The following GALNT18 variants were observed in gnomAD, a reference collection of about 807,000 sequenced individuals.
GALNT18 encodes the protein polypeptide N-acetylgalactosaminyltransferase 18.
A neutral mutation model predicts 69.5 loss-of-function variants in GALNT18; 44 were observed. The observed-to-expected ratio is 0.63, with a 90% CI of 0.50 to 0.81. The LOEUF is 0.81. Ranked by LOEUF, GALNT18 falls within the 40% of genes least tolerant of loss-of-function variation. GALNT18 has a pLI of 0.00. For missense variants in GALNT18, 715 were observed against 810.0 expected, an observed-to-expected ratio of 0.88 and a Z score of 1.42; for synonymous variants, 364 against 318.2, an observed-to-expected ratio of 1.14 and a Z score of -1.53.
In GALNT18 at chr11:11,556,008, A is replaced by C. The variant is rs1461892427; in HGVS notation, c.235+65351T>G. Among the ~76,000 whole-genome samples the C allele has an allele frequency of 2.0e-5, 3 of 152,294 alleles. No homozygotes were observed. The South Asian group carries it at 6.2e-4, about 32-fold the overall frequency. ...TTAAGTCAACACCAGAAATCAACAG[A>C]CCATCAGTGCCAGGTCATGGATGAA... is the stretch of plus-strand genomic sequence containing the variant. On this transcript the variant is annotated intron_variant, in intron 1 of 10. Transcript: ENST00000227756.
chr11:11,501,027 G>C lies in GALNT18; in HGVS notation c.236-52091C>G, dbSNP rs187008532. 2.0e-5 allele frequency among the ~76,000 whole-genome samples: 3 copies of C among 152,338 alleles called. 1 individual carries two copies. The highest frequency in any genetic ancestry group is 2.0e-4 in the Admixed American group (3 of 15,298). ...ACTCCAAGGAGGCTGACTGCAGAGA[G>C]ACAGCCAAGCCTGGGCAGCACCTCT... is the stretch of plus-strand genomic sequence containing the variant. On this transcript the variant is annotated intron_variant, in intron 1 of 10. Coordinates refer to ENST00000227756, the MANE Select transcript of GALNT18 (RefSeq NM_198516.3).
At chr11:11,302,442 C>A (rs1849513606) in intron 9 of GALNT18, among the ~76,000 whole-genome samples, 1 of 152,218 alleles carries the variant, frequency 6.6e-6, no homozygotes, top group Non-Finnish European at 1.5e-5. Flanking sequence ...TGCCACTGCT[C>A]CTCCCTTTCC....
chr11:11,308,696 TCTC>T (rs1376597568), intron 9 of GALNT18, among the ~76,000 whole-genome samples: 1 of 152,104 alleles, frequency 6.6e-6, no homozygotes, highest in East Asian at 1.9e-4. Context: ...GTAAAAAACA[TCTC>T]CTCTGTAAGA....
chr11:11,323,599 G>A (rs118166844), intron 9 of GALNT18, among the ~76,000 whole-genome samples: 5,670 of 152,342 alleles, frequency 0.037, 128 homozygotes, highest in Middle Eastern at 0.071. Flanking sequence ...CTTGTGGTGG[G>A]AGTGGCAGCC....
At chr11:11,566,988 C>CT (rs1858670915) in intron 1 of GALNT18, among the ~76,000 whole-genome samples, 1 of 152,192 alleles carries the variant, frequency 6.6e-6, no homozygotes, top group Admixed American at 6.5e-5. Context: ...GCTTAGGCCT[C>CT]TTTTTGCCTG....
intron 5 of GALNT18, among the ~76,000 whole-genome samples, chr11:11,376,698 T>C (rs1176757390): frequency 6.6e-6 from 1 of 152,224 alleles, no homozygotes; most frequent in African/African-American, 2.4e-5. Context: ...ACCTTCTCTG[T>C]GTTCATGAAC....
intron 6 of GALNT18, among the ~76,000 whole-genome samples, chr11:11,357,131 G>GGTACCGAAATGTCCTTATATATGGAA (rs1564908738): frequency 6.6e-6 from 1 of 152,048 alleles, no homozygotes; most frequent in African/African-American, 2.4e-5. Context: ...ACCAGCTAGG[G>GGTACCGAAATGTCCTTATATATGGAA]AACACCCTCA....
chr11:11,494,612 C>T lies in GALNT18; in HGVS notation c.236-45676G>A, dbSNP rs184402799. Among the ~76,000 whole-genome samples, 73 of 152,282 alleles carry T rather than the reference C, an allele frequency of 4.8e-4. No individual in the cohort carries two copies. The highest frequency in any genetic ancestry group is 1.7e-3 in the African/African-American group (69 of 41,554). ...TCACTGCAGCTCCCCTTCTTTCCACCGCTATCTGCCACACATGAATTTCTA... is the reference window on the plus strand; with the variant it reads ...TCACTGCAGCTCCCCTTCTTTCCACTGCTATCTGCCACACATGAATTTCTA... On this transcript the variant is annotated intron_variant, in intron 1 of 10. Coordinates refer to ENST00000227756, the MANE Select transcript of GALNT18 (RefSeq NM_198516.3). This position sits in a 1 kb window ranked among gnomAD's most constrained non-coding sequence, Gnocchi z 5.7.
chr11:11,555,881 G>T lies in GALNT18; in HGVS notation c.235+65478C>A, dbSNP rs1392057253. Reference sequence around the variant, plus strand: ...TCCAAAGACCTCCAGCACATATCAGGAAAGAGGCTGGGGTCTCACGAGAAT... The same window carrying T: ...TCCAAAGACCTCCAGCACATATCAGTAAAGAGGCTGGGGTCTCACGAGAAT... On this transcript the variant is annotated intron_variant, in intron 1 of 10. Transcript: ENST00000227756. The surrounding 1 kb of genome is among the most constrained non-coding windows in gnomAD (Gnocchi z 4.7). 2.6e-5 allele frequency among the ~76,000 whole-genome samples: 4 copies of T among 152,196 alleles called. No homozygotes were observed. Among genetic ancestry groups the T allele is most frequent in the Admixed American group, 2.6e-4 (4 of 15,278 alleles).
chr11:11,288,670 C>T (rs572252333), intron 10 of GALNT18, among the ~76,000 whole-genome samples: 19 of 152,312 alleles, frequency 1.2e-4, no homozygotes, highest in African/African-American at 2.9e-4. Context: ...TGCACATCAG[C>T]GTTGCCAAGA....
chr11:11,272,964 A>C (rs1848858639), intron 10 of GALNT18, among the ~76,000 whole-genome samples: 1 of 152,122 alleles, frequency 6.6e-6, no homozygotes, highest in Non-Finnish European at 1.5e-5. Context: ...CAGTCTTTTC[A>C]ATAAATTGCC....
intron 1 of GALNT18, among the ~76,000 whole-genome samples, chr11:11,522,432 C>G (rs1200995039): frequency 6.6e-6 from 1 of 152,138 alleles, no homozygotes; most frequent in Non-Finnish European, 1.5e-5. Context: ...GAGAGTGTCC[C>G]TTGATTTTTT....
Position 11,293,964 on chromosome 11 carries a change from G to T in GALNT18, c.1513-771C>A, listed in dbSNP as rs1207023242. 2.0e-5 allele frequency among the ~76,000 whole-genome samples: 3 copies of T among 152,296 alleles called. No individual in the cohort carries two copies. The East Asian group carries it at 5.8e-4, about 29-fold the overall frequency. On this transcript the variant is annotated intron_variant, in intron 9 of 10. Coordinates refer to ENST00000227756, the MANE Select transcript of GALNT18 (RefSeq NM_198516.3). The stretch of plus-strand genomic sequence containing the variant: ...ACACTAAGACTGTGCAGAGCAGGAG[G>T]TGGCCAACTTTTTCTTAAAGGTCAG...
At chr11:11,499,418 C>A (rs1856929830) in intron 1 of GALNT18, among the ~76,000 whole-genome samples, 1 of 151,316 alleles carries the variant, frequency 6.6e-6, no homozygotes, top group South Asian at 2.1e-4. Flanking sequence ...CCACCCCTGA[C>A]TGCAGCCTGT....
At position 11,582,886 on chromosome 11, in the gene GALNT18, C is replaced by T. The variant is rs1020713064; in HGVS notation, c.235+38473G>A. ...TCTTTCTCCAACTCCTCACCACAGC[C>T]ACAGAGCACAGCCACTGCCACACAC... On this transcript the variant is annotated intron_variant, in intron 1 of 10. Transcript: ENST00000227756. The surrounding 1 kb of genome is among the most constrained non-coding windows in gnomAD (Gnocchi z 5.0). 7.2e-5 allele frequency among the ~76,000 whole-genome samples: 11 copies of T among 152,186 alleles called. No homozygotes were observed. Among genetic ancestry groups the T allele is most frequent in the African/African-American group, 2.4e-4 (10 of 41,432 alleles).
chr11:11,611,353 A>G (rs2133963332), intron 1 of GALNT18, among the ~76,000 whole-genome samples: 1 of 152,304 alleles, frequency 6.6e-6, no homozygotes, highest in African/African-American at 2.4e-5. Flanking sequence ...CGGAAGGAAT[A>G]ACAAAAAAGA....
chr11:11,376,914 G>A (rs1265709766), intron 5 of GALNT18, among the ~76,000 whole-genome samples: 1 of 152,082 alleles, frequency 6.6e-6, no homozygotes, highest in Admixed American at 6.6e-5. Flanking sequence ...TCATCACTCC[G>A]GATCCCCAAC....
At chr11:11,570,861 G>A (rs542991426) in intron 1 of GALNT18, among the ~76,000 whole-genome samples, 23 of 152,308 alleles carry the variant, frequency 1.5e-4, no homozygotes, top group African/African-American at 5.5e-4. Context: ...TTACTTGCCT[G>A]TAAAGAGTTA....
chr11:11,400,583 T>C (rs1854438772), intron 3 of GALNT18, among the ~76,000 whole-genome samples: 1 of 152,168 alleles, frequency 6.6e-6, no homozygotes, highest in African/African-American at 2.4e-5. Context: ...GCTGGGGAGT[T>C]CTAGATCAAG....
Sources: allele counts gnomAD v4.1 joint callset (sites outside exome capture counted in the v4.1 genomes callset), GRCh38; gene constraint gnomAD v4.1.1; non-coding constraint Gnocchi (gnomAD v3.1); transcripts MANE v1.5; gene names NCBI Gene and HGNC (gene_info 2026-07-23, HGNC 2026-07-21).